NTRK2: variants seen among roughly 807,000 people sequenced by gnomAD.
NTRK2 encodes the protein BDNF/NT-3 growth factors receptor.
A neutral mutation model predicts 94.5 loss-of-function variants in NTRK2; 13 were observed. The observed-to-expected ratio is 0.14, with a 90% CI of 0.09 to 0.22. The LOEUF is 0.22. Among genes scored for constraint, NTRK2 ranks in the 10% least tolerant of loss-of-function variants. The pLI, the probability that NTRK2 is intolerant of heterozygous loss-of-function variation, is 1.00. For missense variants in NTRK2, 639 were observed against 1,071.2 expected (o/e 0.60, Z 5.63); for synonymous variants, 372 against 407.4 (o/e 0.91, Z 1.05).
chr9:84,972,242 G>A (rs573687683), intron 17 of NTRK2, among the ~76,000 whole-genome samples: 1 of 152,284 alleles, frequency 6.6e-6, no homozygotes, highest in East Asian at 1.9e-4. Flanking sequence ...TTGCATAGAA[G>A]TTTCATGAAG....
In NTRK2 at chr9:85,020,060, G is replaced by A. The variant is rs574895162; in HGVS notation, c.2173-146G>A. On this transcript the variant is annotated intron_variant, in intron 17 of 18. Coordinates refer to ENST00000277120, the MANE Select transcript of NTRK2 (RefSeq NM_006180.6). ...TTCTGTCTCTGTTGCTTGAGACTGT[G>A]AAGAAGTCATATATCCTTTATGTGT... The A allele has an allele frequency of 5.0e-4, 414 of 834,154 alleles. 5 individuals carry two copies. The South Asian group carries it at 5.7e-3, about 11-fold the overall frequency. The allele number at this position is 834,154 out of a possible 1,614,324, so 51.7% of individuals were successfully genotyped here. A position where few individuals can be genotyped will look rare whatever the true frequency, so the allele number is the denominator to read the frequency against.
At chr9:84,964,933 C>T (rs1825380111) in intron 17 of NTRK2, among the ~76,000 whole-genome samples, 1 of 152,196 alleles carries the variant, frequency 6.6e-6, no homozygotes, top group Admixed American at 6.5e-5. Flanking sequence ...CGCTTTAAGA[C>T]AGTTACTTCC....
chr9:85,026,412 G>A lies in NTRK2; in HGVS notation c.*4975G>A, dbSNP rs1247728409. ...CATCATAAAAGCTGCTAGTAGCCAT[G>A]TGTTTGAACAGGAAAAATATTACAG... On this transcript the variant is annotated 3_prime_UTR_variant, in exon 19 of 19. Coordinates refer to ENST00000277120, the MANE Select transcript of NTRK2 (RefSeq NM_006180.6). 1 of 232,010 alleles carries A rather than the reference G, an allele frequency of 4.3e-6. No individual in the cohort carries two copies. The highest frequency in any genetic ancestry group is 8.5e-6 in the Non-Finnish European group (1 of 117,336). 14.4% of individuals were successfully genotyped at this position (232,010 alleles called of 1,614,324 possible). A position where few individuals can be genotyped will look rare whatever the true frequency, so the allele number is the denominator to read the frequency against.
At chr9:84,870,305 T>C (rs1400777066) in intron 14 of NTRK2, among the ~76,000 whole-genome samples, 5 of 103,944 alleles carry the variant, frequency 4.8e-5, no homozygotes, top group South Asian at 3.5e-4. Context: ...TACATGTACA[T>C]ATACATATAT....
At chr9:84,696,737 A>G (rs1001078466) in intron 2 of NTRK2, among the ~76,000 whole-genome samples, 5 of 152,252 alleles carry the variant, frequency 3.3e-5, no homozygotes, top group African/African-American at 1.2e-4. Context: ...AACCGATGGA[A>G]TAAAAATGTT....
intron 12 of NTRK2, among the ~76,000 whole-genome samples, chr9:84,853,842 G>A (rs1400116632): frequency 1.3e-5 from 2 of 152,166 alleles, no homozygotes; most frequent in Non-Finnish European, 2.9e-5. Flanking sequence ...AGCACTTTGG[G>A]AGGCCAAGGT....
chr9:84,813,789 C>T, intron 12 of NTRK2: 1 of 1,065,956 alleles, frequency 9.4e-7, no homozygotes, highest in Non-Finnish European at 1.1e-6. Flanking sequence ...TCTCTTGGCC[C>T]AGTCAGGTGC....
intron 17 of NTRK2, among the ~76,000 whole-genome samples, chr9:84,985,243 C>T (rs1828151147): frequency 6.6e-6 from 1 of 152,170 alleles, no homozygotes; most frequent in Non-Finnish European, 1.5e-5. Context: ...TGAAGTTGCT[C>T]TTTCTGAAAA....
rs527274282 is a variant in NTRK2, at chr9:84,694,645, A to AT, written c.213-7504dup. ...AGCTGTGAACCCAGGGACCAAGGGA[A>AT]TTTTTTTTTTAGAAAAGGATTATTC... On this transcript the variant is annotated intron_variant, in intron 2 of 18. Coordinates refer to ENST00000277120, the MANE Select transcript of NTRK2 (RefSeq NM_006180.6). Among the ~76,000 whole-genome samples the AT allele has an allele frequency of 1.8e-3, 272 of 150,192 alleles. 2 individuals carry two copies. The highest frequency in any genetic ancestry group is 3.4e-3 in the Non-Finnish European group (226 of 67,340).
intron 14 of NTRK2, among the ~76,000 whole-genome samples, chr9:84,922,679 A>G (rs952014538): frequency 6.6e-6 from 1 of 152,222 alleles, no homozygotes; most frequent in African/African-American, 2.4e-5. Flanking sequence ...TGTTTCAATC[A>G]GAAAATGCAT....
intron 2 of NTRK2, among the ~76,000 whole-genome samples, chr9:84,684,272 G>A (rs56102454): frequency 0.026 from 4,019 of 152,266 alleles, 71 homozygotes; most frequent in Admixed American, 0.044. Context: ...CTTTGCCCAT[G>A]CATATACCTG....
intron 2 of NTRK2, among the ~76,000 whole-genome samples, chr9:84,688,411 G>A (rs2059848739): frequency 6.6e-6 from 1 of 152,102 alleles, no homozygotes; most frequent in East Asian, 1.9e-4. Flanking sequence ...GGGGTGGCCA[G>A]GCTCTTCAGA....
intron 12 of NTRK2, chr9:84,813,470 C>G (rs905195266): frequency 3.8e-6 from 4 of 1,065,132 alleles, no homozygotes; most frequent in Non-Finnish European, 2.3e-6. Flanking sequence ...CTCACGGTAT[C>G]CTTCTGTCTT....
intron 12 of NTRK2, among the ~76,000 whole-genome samples, chr9:84,757,106 A>G (rs532536130): frequency 6.6e-6 from 1 of 152,366 alleles, no homozygotes; most frequent in Non-Finnish European, 1.5e-5. Context: ...ACACAGTTGT[A>G]GAAACATCTG....
At chr9:84,820,233 G>T (rs971288316) in intron 12 of NTRK2, among the ~76,000 whole-genome samples, 7 of 148,006 alleles carry the variant, frequency 4.7e-5, no homozygotes, top group Admixed American at 4.1e-4. Flanking sequence ...GCAGTGGTGC[G>T]ATCTCTGCTC....
chr9:84,675,173 A>C (rs1328807006), intron 2 of NTRK2, among the ~76,000 whole-genome samples: 1 of 152,178 alleles, frequency 6.6e-6, no homozygotes, highest in Non-Finnish European at 1.5e-5. Context: ...TTGGCTGAAC[A>C]GCTGAGAGTT....
At chr9:84,775,530 C>T (rs1432313540) in intron 12 of NTRK2, among the ~76,000 whole-genome samples, 3 of 152,098 alleles carry the variant, frequency 2.0e-5, no homozygotes, top group Admixed American at 6.6e-5. Flanking sequence ...ACGGGCTTCT[C>T]CTGCATATTT....
chr9:84,795,986 A>T (rs78319223), intron 12 of NTRK2, among the ~76,000 whole-genome samples: 7,163 of 150,694 alleles, frequency 0.048, 210 homozygotes, highest in East Asian at 0.14. Context: ...AGTAGCTAAG[A>T]TTCTTTAATT....
chr9:84,681,342 C>T (rs1331081544), intron 2 of NTRK2, among the ~76,000 whole-genome samples: 5 of 152,200 alleles, frequency 3.3e-5, no homozygotes. Flanking sequence ...GTGACTCTTC[C>T]TTCTCTGTAA....
Sources: gnomAD v4.1 joint callset for allele counts (sites outside exome capture counted in the v4.1 genomes callset) on GRCh38, gnomAD v4.1.1 for gene constraint, MANE v1.5 for transcripts, NCBI Gene and HGNC (gene_info 2026-07-23, HGNC 2026-07-21) for gene names.